Variants in PARD3B observed in about 807,000 individuals in gnomAD.
The protein encoded by PARD3B is par-3 family cell polarity regulator beta, also known as partitioning defective 3 homolog B.
A neutral mutation model predicts 130.2 loss-of-function variants in PARD3B; 103 were observed. That is an observed-to-expected ratio of 0.79 (90% CI 0.67 to 0.93). The LOEUF (loss-of-function observed/expected upper bound fraction) is 0.93. PARD3B is among the 40% of genes least tolerant of loss of function. The pLI, the probability that PARD3B is intolerant of heterozygous loss-of-function variation, is 0.00. For missense variants in PARD3B, 1,609 were observed against 1,499.2 expected, an observed-to-expected ratio of 1.07 and a Z score of -1.21; for synonymous variants, 583 against 553.2, an observed-to-expected ratio of 1.05 and a Z score of -0.76.
chr2:204,648,364 G>T (rs145318746), intron 1 of PARD3B, among the ~76,000 whole-genome samples: 1 of 150,534 alleles, frequency 6.6e-6, no homozygotes, highest in African/African-American at 2.4e-5. Context: ...ATGCCCACTG[G>T]TGGTATTCCA....
chr2:205,400,298 G>A (rs1226503911), intron 18 of PARD3B, among the ~76,000 whole-genome samples: 6 of 151,752 alleles, frequency 4.0e-5, no homozygotes, highest in Admixed American at 2.6e-4. Flanking sequence ...ACCTTCTGTC[G>A]ACACATACAA....
chr2:204,901,807 C>T (rs1392227472), intron 2 of PARD3B, among the ~76,000 whole-genome samples: 1 of 152,112 alleles, frequency 6.6e-6, no homozygotes, highest in Non-Finnish European at 1.5e-5. Context: ...CTTTAGTCAG[C>T]AGGTGATGAA....
At position 205,045,148 on chromosome 2, in the gene PARD3B, C is replaced by T. The variant is rs540201923; in HGVS notation, c.395-2433C>T. ...TTTTTTATGTTTCAAATAGCTGATACACTGGTACAAAACTGAATTGTCATC... is the reference window on the plus strand; with the variant it reads ...TTTTTTATGTTTCAAATAGCTGATATACTGGTACAAAACTGAATTGTCATC... On this transcript the variant is annotated intron_variant, in intron 3 of 22. Coordinates refer to ENST00000406610, the MANE Select transcript of PARD3B (RefSeq NM_001302769.2). 5.6e-4 allele frequency among the ~76,000 whole-genome samples: 83 copies of T among 148,944 alleles called. 2 individuals are homozygous for T. The South Asian group carries it at 0.017, about 30-fold the overall frequency.
rs1299752933 is a variant in PARD3B, at chr2:205,561,865, C to T, written c.3260+8462C>T. On this transcript the variant is annotated intron_variant, in intron 22 of 22. Coordinates refer to ENST00000406610, the MANE Select transcript of PARD3B (RefSeq NM_001302769.2). ...TTGAAAATCAGTGAAGCTCTTTTAC[C>T]CCACCAAATTAAGCTTTTTCATCCT... Among the ~76,000 whole-genome samples the T allele has an allele frequency of 3.3e-5, 5 of 152,180 alleles. No homozygotes were observed. In the East Asian group the frequency reaches 9.7e-4, roughly 29 times the overall value.
intron 3 of PARD3B, among the ~76,000 whole-genome samples, chr2:204,982,893 TAC>T (rs1193426268): frequency 2.0e-5 from 3 of 152,336 alleles, no homozygotes; most frequent in Admixed American, 2.0e-4. Context: ...TGTCTGATTT[TAC>T]TTGAGGGGAA....
rs1433876195 is a variant in PARD3B, at chr2:205,116,651, A to G, written c.681-2270A>G. On this transcript the variant is annotated intron_variant, in intron 6 of 22. Coordinates refer to ENST00000406610, the MANE Select transcript of PARD3B (RefSeq NM_001302769.2). This position sits in a 1 kb window ranked among gnomAD's most constrained non-coding sequence, Gnocchi z 4.5. ...AGCCCACCAGTTCAGGGCAAAGAGG[A>G]TAATGAGGTATTGTTTTCTGAGCCT... Among the ~76,000 whole-genome samples the G allele has an allele frequency of 6.6e-6, 1 of 152,170 alleles. No homozygotes were observed. Among genetic ancestry groups the G allele is most frequent in the African/African-American group, 2.4e-5 (1 of 41,436 alleles).
intron 2 of PARD3B, among the ~76,000 whole-genome samples, chr2:204,924,087 C>T (rs1687401838): frequency 6.6e-6 from 1 of 152,008 alleles, no homozygotes; most frequent in Non-Finnish European, 1.5e-5. Context: ...GAAATAGGAT[C>T]TTGAGCAAAT....
At chr2:205,399,464 C>G (rs968615985) in intron 18 of PARD3B, among the ~76,000 whole-genome samples, 4 of 151,722 alleles carry the variant, frequency 2.6e-5, no homozygotes, top group Admixed American at 6.6e-5. Context: ...AAGTGATTCT[C>G]CTGCCTCAGC....
chr2:204,609,680 A>G (rs973907672), intron 1 of PARD3B, among the ~76,000 whole-genome samples: 5 of 152,182 alleles, frequency 3.3e-5, no homozygotes, highest in Admixed American at 6.5e-5. Context: ...TATATAGTCC[A>G]GTGTTCTTGC....
At chr2:205,095,566 A>G (rs988838392) in intron 4 of PARD3B, among the ~76,000 whole-genome samples, 4 of 152,254 alleles carry the variant, frequency 2.6e-5, no homozygotes, top group African/African-American at 9.6e-5. Flanking sequence ...TCTTGCCATC[A>G]GTAGTTATTT....
chr2:205,289,709 T>C lies in PARD3B; in HGVS notation c.2186-10821T>C, dbSNP rs140915309. On this transcript the variant is annotated intron_variant, in intron 16 of 22. Transcript: ENST00000406610. Reference sequence around the variant, plus strand: ...GCCTCTGCCACCATTAACCCATTCATAAATTAGTGGATTAAACCATTCATG... The same window carrying C: ...GCCTCTGCCACCATTAACCCATTCACAAATTAGTGGATTAAACCATTCATG... 5.9e-5 allele frequency among the ~76,000 whole-genome samples: 9 copies of C among 152,250 alleles called. No individual in the cohort carries two copies. The East Asian group carries it at 1.7e-3, about 29-fold the overall frequency.
At chr2:205,475,821 T>C (rs1219650597) in intron 20 of PARD3B, among the ~76,000 whole-genome samples, 1 of 152,168 alleles carries the variant, frequency 6.6e-6, no homozygotes, top group Non-Finnish European at 1.5e-5. Context: ...ATCATATTTG[T>C]TGTGATAGTC....
chr2:204,766,243 T>C (rs988007219), intron 2 of PARD3B, among the ~76,000 whole-genome samples: 1 of 152,202 alleles, frequency 6.6e-6, no homozygotes, highest in African/African-American at 2.4e-5. Context: ...TCTCACTGAT[T>C]GATTTTATGT....
chr2:205,271,625 T>C (rs2040728457), intron 16 of PARD3B, among the ~76,000 whole-genome samples: 1 of 152,188 alleles, frequency 6.6e-6, no homozygotes, highest in African/African-American at 2.4e-5. Context: ...AAGATGTAGT[T>C]GTGAATCTTC....
intron 3 of PARD3B, among the ~76,000 whole-genome samples, chr2:204,990,787 TC>T (rs1386176991): frequency 6.6e-6 from 1 of 152,210 alleles, no homozygotes; most frequent in Non-Finnish European, 1.5e-5. Flanking sequence ...AAGAAATCTT[TC>T]CCTACCTAAA....
intron 3 of PARD3B, among the ~76,000 whole-genome samples, chr2:205,030,576 G>A (rs911103986): frequency 4.6e-5 from 7 of 152,050 alleles, no homozygotes; most frequent in Admixed American, 4.6e-4. Context: ...ATGTTGTTAA[G>A]CATGTATGAA....
chr2:205,614,904 G>A (rs1014315210), intron 22 of PARD3B, among the ~76,000 whole-genome samples: 1 of 151,988 alleles, frequency 6.6e-6, no homozygotes, highest in Non-Finnish European at 1.5e-5. Context: ...GCAGTCCATG[G>A]AAACTTTATG....
chr2:205,541,365 T>G (rs1183917663), intron 21 of PARD3B, among the ~76,000 whole-genome samples: 1 of 100,200 alleles, frequency 1.0e-5, no homozygotes, highest in Non-Finnish European at 2.3e-5. Context: ...TTTTTTTTTT[T>G]GAGACAGAGT....
At chr2:204,823,964 G>A (rs1345630929) in intron 2 of PARD3B, among the ~76,000 whole-genome samples, 1 of 151,828 alleles carries the variant, frequency 6.6e-6, no homozygotes, top group Non-Finnish European at 1.5e-5. Context: ...TACATTGAGG[G>A]TAGCAAGAGT....
Sources: gnomAD v4.1 joint callset for allele counts (sites outside exome capture counted in the v4.1 genomes callset) on GRCh38, gnomAD v4.1.1 for gene constraint, Gnocchi (gnomAD v3.1) non-coding constraint, MANE v1.5 for transcripts, NCBI Gene and HGNC (gene_info 2026-07-23, HGNC 2026-07-21) for gene names.